The following MAP2K5 variants were observed in gnomAD, a reference collection of about 807,000 sequenced individuals.
The protein encoded by MAP2K5 is dual specificity mitogen-activated protein kinase kinase 5.
Under a neutral mutation model 83.1 loss-of-function variants are expected in MAP2K5, and 49 were observed. That is an observed-to-expected ratio of 0.59 (90% CI 0.47 to 0.75). The LOEUF (loss-of-function observed/expected upper bound fraction) is 0.75. MAP2K5 is among the 30% of genes least tolerant of loss of function. The pLI, the probability that MAP2K5 is intolerant of heterozygous loss-of-function variation, is 0.00. For synonymous variants in MAP2K5, 202 were observed against 191.8 expected, an observed-to-expected ratio of 1.05 and a Z score of -0.44; for missense variants, 457 against 557.5, an observed-to-expected ratio of 0.82 and a Z score of 1.82.
At position 67,677,670 on chromosome 15, in the gene MAP2K5, C is replaced by T. The variant is rs2087713563; in HGVS notation, c.847+13025C>T. On this transcript the variant is annotated intron_variant, in intron 13 of 21. Transcript: ENST00000178640. This position sits in a 1 kb window ranked among gnomAD's most constrained non-coding sequence, Gnocchi z 4.2. ...GAAGTAGGTTGTGCAGGAACACATT[C>T]CTCCAGACCTGGCTTTTCCTAAACA... 1.3e-5 allele frequency among the ~76,000 whole-genome samples: 2 copies of T among 152,180 alleles called. No individual in the cohort carries two copies. Among genetic ancestry groups the T allele is most frequent in the African/African-American group, 4.8e-5 (2 of 41,430 alleles).
intron 13 of MAP2K5, among the ~76,000 whole-genome samples, chr15:67,686,870 C>T (rs1018122534): frequency 6.6e-6 from 1 of 152,016 alleles, no homozygotes. Flanking sequence ...ATGGTGAAAA[C>T]AGAATGAACA....
chr15:67,552,146 T>G lies in MAP2K5; in HGVS notation c.184+2064T>G, dbSNP rs2084524261. Among the ~76,000 whole-genome samples the G allele has an allele frequency of 6.6e-6, 1 of 152,230 alleles. No homozygotes were observed. The highest frequency in any genetic ancestry group is 2.4e-5 in the African/African-American group (1 of 41,450). ...TGTTTCTCTATTGTTTGAACATTTT[T>G]CAACAATCATTGCCTGTTTTTAAAA... is the stretch of plus-strand genomic sequence containing the variant. On this transcript the variant is annotated intron_variant, in intron 2 of 21. Coordinates refer to ENST00000178640, the MANE Select transcript of MAP2K5 (RefSeq NM_145160.3). The surrounding 1 kb of genome is among the most constrained non-coding windows in gnomAD (Gnocchi z 4.2).
intron 13 of MAP2K5, among the ~76,000 whole-genome samples, chr15:67,671,683 T>G (rs564916963): frequency 6.6e-6 from 1 of 152,008 alleles, no homozygotes; most frequent in Non-Finnish European, 1.5e-5. Flanking sequence ...TCATTATACT[T>G]TAAGTTTTAG....
At chr15:67,547,107 C>CACACACACACACACACAG (rs3223318) in intron 1 of MAP2K5, among the ~76,000 whole-genome samples, 3 of 145,796 alleles carry the variant, frequency 2.1e-5, no homozygotes, top group Non-Finnish European at 4.5e-5. Context: ...CACACACACA[C>CACACACACACACACACAG]AGATTTCTGT....
rs971346124 is a variant in MAP2K5, at chr15:67,747,108, G to T, written c.1075-1123G>T. ...AGCCCCAGCACCACCACACCCTGGC[G>T]CTGAGGCCTCAGGCCCGGACACTGT... is the stretch of plus-strand genomic sequence containing the variant. On this transcript the variant is annotated intron_variant, in intron 17 of 21. Coordinates refer to ENST00000178640, the MANE Select transcript of MAP2K5 (RefSeq NM_145160.3). This position sits in a 1 kb window ranked among gnomAD's most constrained non-coding sequence, Gnocchi z 4.1. Among the ~76,000 whole-genome samples, 1 of 152,198 alleles carries T rather than the reference G, an allele frequency of 6.6e-6. No homozygotes were observed. Among genetic ancestry groups the T allele is most frequent in the Non-Finnish European group, 1.5e-5 (1 of 68,026 alleles).
At chr15:67,742,416 A>G (rs1640735339) in intron 17 of MAP2K5, among the ~76,000 whole-genome samples, 3 of 152,234 alleles carry the variant, frequency 2.0e-5, no homozygotes, top group Admixed American at 1.3e-4. Flanking sequence ...CCTCTCAGAC[A>G]TTTTGAAACA....
Position 67,563,344 on chromosome 15 carries a change from G to C in MAP2K5, c.246G>C (p.Leu82=). Reference sequence around the variant, plus strand: ...GTGATGAGGAAATGAAGGCAATGCTGTCATATGTAAGTATACGACAAATGA... The same window carrying C: ...GTGATGAGGAAATGAAGGCAATGCTCTCATATGTAAGTATACGACAAATGA... ...VRSDEEMKAM[L]SYYYSTVMEQ... The change falls in exon 3 of 22, where the codon CTG becomes CTC. Residue 82 remains leucine, a synonymous_variant. Coordinates refer to ENST00000178640, the MANE Select transcript of MAP2K5 (RefSeq NM_145160.3). This position sits in a 1 kb window ranked among gnomAD's most constrained non-coding sequence, Gnocchi z 4.5. 2 of 1,610,866 alleles carry C rather than the reference G, an allele frequency of 1.2e-6. No individual in the cohort carries two copies. The highest frequency in any genetic ancestry group is 1.7e-6 in the Non-Finnish European group (2 of 1,179,012).
chr15:67,782,679 A>C lies in MAP2K5; in HGVS notation c.1242+9927A>C, dbSNP rs1211437292. Among the ~76,000 whole-genome samples the C allele has an allele frequency of 6.6e-6, 1 of 152,134 alleles. No homozygotes were observed. Among genetic ancestry groups the C allele is most frequent in the Non-Finnish European group, 1.5e-5 (1 of 68,014 alleles). ...GTGCTCACAGCCTGCTCCAGTTTCT[A>C]ATTTTTAAATTAAACATGACTTTTT... On this transcript the variant is annotated intron_variant, in intron 21 of 21. Transcript: ENST00000178640. The surrounding 1 kb of genome is among the most constrained non-coding windows in gnomAD (Gnocchi z 4.9).
In MAP2K5 at chr15:67,783,310, C is replaced by T. The variant is rs143470893; in HGVS notation, c.1242+10558C>T. On this transcript the variant is annotated intron_variant, in intron 21 of 21. Coordinates refer to ENST00000178640, the MANE Select transcript of MAP2K5 (RefSeq NM_145160.3). This position sits in a 1 kb window ranked among gnomAD's most constrained non-coding sequence, Gnocchi z 5.1. ...TGCCAGAGACCCCCGCTCACCTTCTCCTCCCACCCTCACCTACCCCTTCAC... is the reference window on the plus strand; with the variant it reads ...TGCCAGAGACCCCCGCTCACCTTCTTCTCCCACCCTCACCTACCCCTTCAC... 2.9e-3 allele frequency among the ~76,000 whole-genome samples: 439 copies of T among 152,272 alleles called. 1 individual carries two copies. The highest frequency in any genetic ancestry group is 0.01 in the African/African-American group (423 of 41,556).
chr15:67,600,664 TTTTC>T lies in MAP2K5; in HGVS notation c.481-10_481-7del. Reference sequence around the variant, plus strand: ...ATCCACAGCATGACACCCTTTTTGTTTTTCTTTCTTTCTTGTGGAGATGAATGAA... The same window carrying T: ...ATCCACAGCATGACACCCTTTTTGTTTTTCTTTCTTGTGGAGATGAATGAA... On this transcript the variant is annotated splice_polypyrimidine_tract_variant and intron_variant, in intron 7 of 21. Transcript: ENST00000178640. 1.9e-6 allele frequency: 3 copies of T among 1,603,802 alleles called. No homozygotes were observed. Among genetic ancestry groups the T allele is most frequent in the Non-Finnish European group, 1.7e-6 (2 of 1,175,022 alleles).
intron 19 of MAP2K5, among the ~76,000 whole-genome samples, chr15:67,756,264 A>G (rs941202215): frequency 6.6e-6 from 1 of 152,174 alleles, no homozygotes; most frequent in East Asian, 1.9e-4. Context: ...CTCTCTCACC[A>G]TCTTCTTATG....
intron 21 of MAP2K5, among the ~76,000 whole-genome samples, chr15:67,773,375 A>G (rs913574577): frequency 1.3e-5 from 2 of 152,220 alleles, no homozygotes; most frequent in African/African-American, 4.8e-5. Flanking sequence ...ACAATGCACA[A>G]GCTGTTAGAA....
intron 15 of MAP2K5, among the ~76,000 whole-genome samples, chr15:67,701,647 A>G (rs2088421556): frequency 6.6e-6 from 1 of 152,202 alleles, no homozygotes; most frequent in African/African-American, 2.4e-5. Flanking sequence ...GGAAATATTT[A>G]GTGACTGGAG....
rs1477418415 is a variant in MAP2K5, at chr15:67,669,667, T to C, written c.847+5022T>C. ...TTCTGGATATATTTTAAATGTATAG[T>C]TGATAGAATTTGCTGATGGATTGCT... On this transcript the variant is annotated intron_variant, in intron 13 of 21. Transcript: ENST00000178640. Among the ~76,000 whole-genome samples the C allele has an allele frequency of 2.6e-5, 4 of 152,130 alleles. No homozygotes were observed. The East Asian group carries it at 7.7e-4, about 29-fold the overall frequency.
chr15:67,725,985 C>T (rs759157786), intron 16 of MAP2K5, among the ~76,000 whole-genome samples: 3 of 151,546 alleles, frequency 2.0e-5, no homozygotes, highest in South Asian at 4.2e-4. Flanking sequence ...CACAAAACTT[C>T]GAAAGGGAGT....
intron 12 of MAP2K5, among the ~76,000 whole-genome samples, chr15:67,662,521 G>A (rs1292848750): frequency 6.6e-6 from 1 of 152,126 alleles, no homozygotes; most frequent in African/African-American, 2.4e-5. Context: ...GTCTAATTAT[G>A]AATAGTCAAC....
chr15:67,592,577 T>C (rs2141013728), intron 6 of MAP2K5, among the ~76,000 whole-genome samples: 1 of 152,320 alleles, frequency 6.6e-6, no homozygotes, highest in East Asian at 1.9e-4. Context: ...TGAATATTAG[T>C]GCTTAGCAGA....
At chr15:67,709,658 G>C (rs964543293) in intron 16 of MAP2K5, among the ~76,000 whole-genome samples, 3 of 152,160 alleles carry the variant, frequency 2.0e-5, no homozygotes, top group African/African-American at 7.2e-5. Context: ...TAAGGAGAAA[G>C]TCCCACTCTC....
At chr15:67,803,039 G>A (rs1410043528) in intron 21 of MAP2K5, among the ~76,000 whole-genome samples, 1 of 152,250 alleles carries the variant, frequency 6.6e-6, no homozygotes, top group Non-Finnish European at 1.5e-5. Flanking sequence ...TCTGCACACT[G>A]AGTGTCAGTT....
Sources: gnomAD v4.1 joint callset for allele counts (sites outside exome capture counted in the v4.1 genomes callset) on GRCh38, gnomAD v4.1.1 for gene constraint, Gnocchi (gnomAD v3.1) non-coding constraint, MANE v1.5 for transcripts, NCBI Gene and HGNC (gene_info 2026-07-23, HGNC 2026-07-21) for gene names.